Variants in CDX2 observed in about 807,000 individuals in gnomAD.
CDX2 encodes caudal type homeobox 2.
In CDX2, 7 loss-of-function variants were observed where a neutral mutation model predicts 25.5. That is an observed-to-expected ratio of 0.27 (90% CI 0.16 to 0.52). The LOEUF (loss-of-function observed/expected upper bound fraction) is 0.52, where lower values mean the gene tolerates loss of function less well. Ranked by LOEUF, CDX2 falls within the 20% of genes least tolerant of loss-of-function variation. CDX2 has a pLI of 0.97. For missense variants in CDX2, 375 were observed against 431.4 expected, an observed-to-expected ratio of 0.87 and a Z score of 1.16; for synonymous variants, 222 against 198.6, an observed-to-expected ratio of 1.12 and a Z score of -0.99.
chr13:27,967,811 C>T (rs1869410177), intron 1 of CDX2, among the ~76,000 whole-genome samples: 1 of 152,178 alleles, frequency 6.6e-6, no homozygotes. Context: ...GAAATGACCC[C>T]TTCACAGGTC....
At chr13:27,968,339 C>T (rs919422279) in intron 1 of CDX2, 127 bp downstream of exon 1, 14 of 1,199,390 alleles carry the variant, frequency 1.2e-5, no homozygotes, top group Middle Eastern at 2.9e-4. Flanking sequence ...GGCCGTGCCC[C>T]TCCTGGCGCC....
rs1310609489 is a variant in CDX2, at chr13:27,968,884, G to T, written c.123C>A (p.Gly41=). The T allele has an allele frequency of 1.9e-6, 3 of 1,605,186 alleles. No individual in the cohort carries two copies. Among genetic ancestry groups the T allele is most frequent in the Non-Finnish European group, 2.5e-6 (3 of 1,177,362 alleles). ...CAGCTGCGGCCGCCACGTGGTAACC[G>T]CCGTAGTCCGGGTACTGCGGGGGGC... ...FVSPPQYPDY[G]GYHVAAAAAA... Residue 41 remains glycine, a synonymous_variant, in exon 1 of 3, where the codon GGC becomes GGA. Coordinates refer to ENST00000381020, the MANE Select transcript of CDX2 (RefSeq NM_001265.6).
intron 1 of CDX2, among the ~76,000 whole-genome samples, chr13:27,965,684 T>G: frequency 6.6e-6 from 1 of 152,250 alleles, no homozygotes; most frequent in Non-Finnish European, 1.5e-5. Context: ...CCTCCATTTA[T>G]TCCTGCTGCA....
At position 27,968,670 on chromosome 13, in the gene CDX2, A is replaced by T. The variant is rs961118689; in HGVS notation, c.337T>A (p.Tyr113Asn). 1 of 1,533,422 alleles carries T rather than the reference A, an allele frequency of 6.5e-7. No individual in the cohort carries two copies. The highest frequency in any genetic ancestry group is 1.4e-5 in the African/African-American group (1 of 71,572). 95.0% of individuals were successfully genotyped at this position (1,533,422 alleles called of 1,614,324 possible). ...TGATGCGGGTGGTGGTGCGGATGGT[A>T]GTCTGCGGGGCTGCTGTAGCCCATG... Reference protein sequence around the residue: ...AAMGYSSPADYHPHHHPHHHP... With the variant: ...AAMGYSSPADNHPHHHPHHHP... The change falls in exon 1 of 3, where the codon TAC becomes AAC. Residue 113 changes from tyrosine to asparagine, a missense_variant. Tyr to Asn is a moderately radical substitution (Grantham distance 143). Around this residue, in one of 3 missense-constraint regions of CDX2, gnomAD observed 253 missense variants for 247.5 expected, o/e 1.02. Coordinates refer to ENST00000381020, the MANE Select transcript of CDX2 (RefSeq NM_001265.6).
Position 27,963,311 on chromosome 13 carries a change from A to C in CDX2, c.746T>G (p.Leu249Trp). ...TGGCTGCTGCTGCTGTTGCTGCTGC[A>C]ACTTCTTCTTGTTGATTTTCCTCTC... ...AKERKINKKK[L>W]QQQQQQQPPQ... Residue 249 changes from leucine to tryptophan, a missense_variant, in exon 3 of 3, where the codon TTG becomes TGG. This residue lies in a region of CDX2 where 64 missense variants were observed against 124.6 expected (regional missense o/e 0.51). Coordinates refer to ENST00000381020, the MANE Select transcript of CDX2 (RefSeq NM_001265.6). The C allele has an allele frequency of 6.2e-7, 1 of 1,613,672 alleles. No homozygotes were observed. Among genetic ancestry groups the C allele is most frequent in the Non-Finnish European group, 8.5e-7 (1 of 1,179,694 alleles).
chr13:27,961,188 C>T lies in CDX2; in HGVS notation c.*1927G>A, dbSNP rs1459488268. Among the ~76,000 whole-genome samples, 1 of 152,226 alleles carries T rather than the reference C, an allele frequency of 6.6e-6. No individual in the cohort carries two copies. The highest frequency in any genetic ancestry group is 2.4e-5 in the African/African-American group (1 of 41,472). ...GCCAGGCGCCCGCGGGCCGGGCCAC[C>T]GGAGCCCCTTTCCCAATCCTGGAGC... On this transcript the variant is annotated 3_prime_UTR_variant, in exon 3 of 3. Transcript: ENST00000381020.
intron 2 of CDX2, among the ~76,000 whole-genome samples, 170 bp from the exon 3 acceptor site, chr13:27,963,539 A>T (rs1389830120): frequency 6.6e-6 from 1 of 152,136 alleles, no homozygotes; most frequent in Non-Finnish European, 1.5e-5. Context: ...ATCCATTCTT[A>T]GGCCCAATTC....
At chr13:27,967,280 C>T (rs1445055230) in intron 1 of CDX2, 3 of 510,262 alleles carry the variant, frequency 5.9e-6, no homozygotes, top group Non-Finnish European at 1.2e-5. Context: ...GTGGCCTTCT[C>T]CCCGGTCGGC....
At position 27,968,473 on chromosome 13, in the gene CDX2, G is replaced by A; in HGVS notation, c.534C>T (p.Gly178=). The A allele has an allele frequency of 1.3e-6, 2 of 1,552,546 alleles. No homozygotes were observed. The highest frequency in any genetic ancestry group is 1.7e-6 in the Non-Finnish European group (2 of 1,161,964). Residue 178 remains glycine (G), a synonymous_variant, in exon 1 of 3, where the codon GGC becomes GGT. Coordinates refer to ENST00000381020, the MANE Select transcript of CDX2 (RefSeq NM_001265.6). The part of the protein sequence containing the change: ...WMRKPAQQSL[G]SQVKTRTKDK... ...GGCGCAGCCTCTGCTTACCTTGGCT[G>A]CCGAGGGACTGCTGCGCCGGCTTCC...
chr13:27,967,287 C>T (rs944439728), intron 1 of CDX2: 1 of 511,676 alleles, frequency 2.0e-6, no homozygotes, highest in Non-Finnish European at 3.8e-6. Flanking sequence ...TCTCCCCGGT[C>T]GGCGGCATTC....
chr13:27,965,485 T>C (rs1461291766), intron 1 of CDX2, among the ~76,000 whole-genome samples: 5 of 152,114 alleles, frequency 3.3e-5, no homozygotes, highest in African/African-American at 1.2e-4. Flanking sequence ...TACTTTGCTT[T>C]ACTACAAGTG....
Position 27,968,893 on chromosome 13 carries a change from C to T in CDX2, c.114G>A (p.Pro38=), listed in dbSNP as rs1431593776. 18 of 1,606,856 alleles carry T rather than the reference C, an allele frequency of 1.1e-5. No homozygotes were observed. Among genetic ancestry groups the T allele is most frequent in the Non-Finnish European group, 1.5e-5 (18 of 1,178,078 alleles). ...PQNFVSPPQY[P]DYGGYHVAAA... is the part of the protein sequence containing the mutation. ...CCGCCACGTGGTAACCGCCGTAGTC[C>T]GGGTACTGCGGGGGGCTGACGAAGT... The change falls in exon 1 of 3, where the codon CCG becomes CCA. Residue 38 remains proline, a synonymous_variant. Coordinates refer to ENST00000381020, the MANE Select transcript of CDX2 (RefSeq NM_001265.6).
Position 27,964,771 on chromosome 13 carries a change from C to T in CDX2, c.687+99G>A. The T allele has an allele frequency of 1.0e-6, 1 of 1,001,434 alleles. No individual in the cohort carries two copies. Among genetic ancestry groups the T allele is most frequent in the Non-Finnish European group, 1.5e-6 (1 of 665,826 alleles). 62.0% of individuals were successfully genotyped at this position (1,001,434 alleles called of 1,614,324 possible). Reference sequence around the variant, plus strand: ...AATGCTTGCATCCTCCTGCTTCAGTCTCTCCACAGATTTAGATGGCCCCTG... The same window carrying T: ...AATGCTTGCATCCTCCTGCTTCAGTTTCTCCACAGATTTAGATGGCCCCTG... On this transcript the variant is annotated intron_variant, in intron 2 of 2. Coordinates refer to ENST00000381020, the MANE Select transcript of CDX2 (RefSeq NM_001265.6). This position sits in a 1 kb window ranked among gnomAD's most constrained non-coding sequence, Gnocchi z 4.7.
chr13:27,961,521 T>C lies in CDX2; in HGVS notation c.*1594A>G, dbSNP rs1869048179. On this transcript the variant is annotated 3_prime_UTR_variant, in exon 3 of 3. Coordinates refer to ENST00000381020, the MANE Select transcript of CDX2 (RefSeq NM_001265.6). Reference sequence around the variant, plus strand: ...ACTAAAAGGATCATTTTATACTGGGTCTAGAAATCTTGTTTGTGGGGTGAT... The same window carrying C: ...ACTAAAAGGATCATTTTATACTGGGCCTAGAAATCTTGTTTGTGGGGTGAT... Among the ~76,000 whole-genome samples, 1 of 151,678 alleles carries C rather than the reference T, an allele frequency of 6.6e-6. No individual in the cohort carries two copies. The highest frequency in any genetic ancestry group is 2.4e-5 in the African/African-American group (1 of 41,278).
rs1869220548 is a variant in CDX2 at position 27,964,666 on chromosome 13, T to TACACTCC, written c.687+197_687+203dup. Among the ~76,000 whole-genome samples the TACACTCC allele has an allele frequency of 7.2e-6, 1 of 138,582 alleles. No homozygotes were observed. The highest frequency in any genetic ancestry group is 1.5e-5 in the Non-Finnish European group (1 of 66,154). The allele number at this position is 138,582 out of a possible 152,430, so 90.9% of individuals were successfully genotyped here. On this transcript the variant is annotated intron_variant, in intron 2 of 2. Transcript: ENST00000381020. The surrounding 1 kb of genome is among the most constrained non-coding windows in gnomAD (Gnocchi z 4.7). ...CTGCAGTGAGCTATGATTGTGCCAC[T>TACACTCC]ACACTCCAGCCTGGGCCACAAAGCA...
chr13:27,965,164 A>G (rs1352414775), intron 1 of CDX2, 149 bp from the exon 2 acceptor site: 4 of 764,298 alleles, frequency 5.2e-6, no homozygotes, highest in Non-Finnish European at 6.2e-6. Flanking sequence ...GTCTGACAAG[A>G]CCCCCCAGAG....
chr13:27,967,734 G>C (rs548274492), intron 1 of CDX2, among the ~76,000 whole-genome samples: 5 of 152,152 alleles, frequency 3.3e-5, no homozygotes, highest in Non-Finnish European at 7.3e-5. Context: ...TTTCCTCCCC[G>C]TCTCCCTGCT....
At chr13:27,965,058 C>A (rs774585648) in intron 1 of CDX2, 43 bp from the exon 2 acceptor site, 2 of 1,597,906 alleles carry the variant, frequency 1.3e-6, no homozygotes, top group Admixed American at 1.7e-5. Context: ...TGCAAGGCAG[C>A]CCATCAGTCA....
chr13:27,964,483 C>G lies in CDX2; in HGVS notation c.687+387G>C, dbSNP rs1057022150. On this transcript the variant is annotated intron_variant, in intron 2 of 2. Transcript: ENST00000381020. This position sits in a 1 kb window ranked among gnomAD's most constrained non-coding sequence, Gnocchi z 4.7. ...ATCTCAGCACTTTAGGAGTCCAAGA[C>G]AGGAGGAGCATTTGGAGTTTGAGAC... Among the ~76,000 whole-genome samples, 1 of 152,070 alleles carries G rather than the reference C, an allele frequency of 6.6e-6. No individual in the cohort carries two copies. The highest frequency in any genetic ancestry group is 2.4e-5 in the African/African-American group (1 of 41,416).
Sources: allele counts gnomAD v4.1 joint callset (sites outside exome capture counted in the v4.1 genomes callset), GRCh38; gene constraint gnomAD v4.1.1; regional missense constraint gnomAD v4.1.1; non-coding constraint Gnocchi (gnomAD v3.1); transcripts MANE v1.5; gene names NCBI Gene and HGNC (gene_info 2026-07-23, HGNC 2026-07-21).